CTNND1: variants seen among roughly 807,000 people sequenced by gnomAD.
The protein encoded by CTNND1 is catenin delta-1.
A neutral mutation model predicts 112.1 loss-of-function variants in CTNND1; 16 were observed. The ratio of observed to expected loss-of-function variants is 0.14; its 90% CI spans 0.10 to 0.22. The LOEUF (loss-of-function observed/expected upper bound fraction) is 0.22. Among genes scored for constraint, CTNND1 ranks in the 10% least tolerant of loss-of-function variants. CTNND1 has a pLI of 1.00. For missense variants in CTNND1, 1,008 were observed against 1,257.0 expected (o/e 0.80, Z 3.00); for synonymous variants, 420 against 446.5 (o/e 0.94, Z 0.75).
At chr11:57,780,071 TGAGACAG>T (rs2059415433) in intron 1 of CTNND1, among the ~76,000 whole-genome samples, 1 of 129,196 alleles carries the variant, frequency 7.7e-6, no homozygotes. Context: ...TTTTTTTTTT[TGAGACAG>T]GGTCTTACTC....
chr11:57,796,664 C>T lies in CTNND1; in HGVS notation c.628C>T (p.Pro210Ser). ...CCTTCCTAGGAACTTCCACTACCCT[C>T]CTGATGGTTATAGTCGCCACTATGA... Reference protein sequence around the residue: ...ATLPRNFHYPPDGYSRHYEDG... With the variant: ...ATLPRNFHYPSDGYSRHYEDG... Residue 210 changes from proline (P) to serine (S), a missense_variant, in exon 6 of 21, where the codon CCT becomes TCT. By Grantham distance (74) the Pro-to-Ser change is moderately conservative. This residue lies in a region of CTNND1 where 404 missense variants were observed against 457.9 expected (regional missense o/e 0.88). Transcript: ENST00000399050. 1 of 1,614,034 alleles carries T rather than the reference C, an allele frequency of 6.2e-7. No individual in the cohort carries two copies. The highest frequency in any genetic ancestry group is 1.1e-5 in the South Asian group (1 of 91,090).
intron 1 of CTNND1, among the ~76,000 whole-genome samples, chr11:57,784,156 A>C (rs1056967416): frequency 1.8e-4 from 27 of 151,744 alleles, no homozygotes; most frequent in Non-Finnish European, 1.6e-4. Context: ...TCCTGGGCTC[A>C]AGTGATCTGC....
chr11:57,768,000 A>G (rs1951543257), intron 1 of CTNND1, among the ~76,000 whole-genome samples: 1 of 151,046 alleles, frequency 6.6e-6, no homozygotes. Flanking sequence ...CGCCCGGCTG[A>G]TTTTTGTATT....
At position 57,817,619 on chromosome 11, in the gene CTNND1, G is replaced by T. The variant is rs2064049941; in HGVS notation, c.*1311G>T. The T allele has an allele frequency of 6.6e-6, 1 of 152,562 alleles. No individual in the cohort carries two copies. Among genetic ancestry groups the T allele is most frequent in the South Asian group, 2.1e-4 (1 of 4,824 alleles). 9.5% of individuals were successfully genotyped at this position (152,562 alleles called of 1,614,324 possible). A position where few individuals can be genotyped will look rare whatever the true frequency, so the allele number is the denominator to read the frequency against. ...CTCAACAGCATATGGGTGGGATTTT[G>T]CAAAAATCCTATTCTGATGAATCTC... On this transcript the variant is annotated 3_prime_UTR_variant, in exon 21 of 21. Transcript: ENST00000399050.
intron 20 of CTNND1, 104 bp from the exon 21 acceptor site, chr11:57,816,193 G>T (rs2063963623): frequency 1.4e-6 from 2 of 1,416,920 alleles, no homozygotes; most frequent in Non-Finnish European, 2.0e-6. Context: ...CTGATTCTCC[G>T]TTATGTGCTG....
chr11:57,793,904 A>C (rs1437568099), intron 3 of CTNND1, 106 bp from the exon 4 acceptor site: 39 of 1,070,662 alleles, frequency 3.6e-5, no homozygotes, highest in Non-Finnish European at 4.9e-5. Context: ...CAGGCCACAC[A>C]TATCTTCTTG....
chr11:57,771,136 G>T (rs1370894734), intron 1 of CTNND1, among the ~76,000 whole-genome samples: 1 of 147,484 alleles, frequency 6.8e-6, no homozygotes, highest in African/African-American at 2.5e-5. Context: ...AAAGAAAGTT[G>T]TTTTTTTTTT....
intron 1 of CTNND1, among the ~76,000 whole-genome samples, chr11:57,772,447 C>T (rs1952923730): frequency 6.6e-6 from 1 of 152,128 alleles, no homozygotes; most frequent in Admixed American, 6.5e-5. Context: ...GCTCCTGTTT[C>T]CCCATGCCCT....
At chr11:57,799,690 A>T (rs540561036) in intron 6 of CTNND1, among the ~76,000 whole-genome samples, 91 of 152,320 alleles carry the variant, frequency 6.0e-4, no homozygotes, top group Middle Eastern at 3.4e-3. Flanking sequence ...CTTTGTATAG[A>T]AAAGGATATA....
intron 14 of CTNND1, among the ~76,000 whole-genome samples, chr11:57,808,850 T>A (rs1025218722): frequency 2.0e-5 from 3 of 152,240 alleles, no homozygotes; most frequent in Admixed American, 6.5e-5. Context: ...TCCATTTTTT[T>A]AAATAGGATA....
chr11:57,774,083 T>G (rs752331793), intron 1 of CTNND1, among the ~76,000 whole-genome samples: 5 of 152,254 alleles, frequency 3.3e-5, no homozygotes, highest in Non-Finnish European at 7.3e-5. Flanking sequence ...AATATTTCAC[T>G]TTTTAGTTCT....
At chr11:57,815,868 T>G in intron 19 of CTNND1, 47 bp from the exon 20 acceptor site, 1 of 1,510,562 alleles carries the variant, frequency 6.6e-7, no homozygotes, top group Non-Finnish European at 9.1e-7. Context: ...CACACACTCA[T>G]GAGGTTCCTG....
chr11:57,796,488 G>A lies in CTNND1; in HGVS notation c.452G>A (p.Arg151Gln), dbSNP rs776232220. Residue 151 changes from arginine to glutamine, a missense_variant, in exon 6 of 21, where the codon CGG becomes CAG. By Grantham distance (43) the Arg-to-Gln change is conservative. Coordinates refer to ENST00000399050, the MANE Select transcript of CTNND1 (RefSeq NM_001085458.2). ...AAAGTAGTGAAGACTGTGACAACAC[G>A]GACAGTACAGCCAGTCGCTATGGGA... Reference protein sequence around the residue: ...VKKVVKTVTTRTVQPVAMGPD... With the variant: ...VKKVVKTVTTQTVQPVAMGPD... 15 of 1,611,356 alleles carry A rather than the reference G, an allele frequency of 9.3e-6. No individual in the cohort carries two copies. The highest frequency in any genetic ancestry group is 1.7e-4 in the Middle Eastern group (1 of 6,046).
At chr11:57,783,751 A>G (rs2136388385) in intron 1 of CTNND1, among the ~76,000 whole-genome samples, 1 of 152,160 alleles carries the variant, frequency 6.6e-6, no homozygotes, top group Admixed American at 6.5e-5. Context: ...GAACCGGAAT[A>G]TTTCTTCAAA....
chr11:57,815,526 C>T, intron 19 of CTNND1, 26 bp downstream of exon 19: 1 of 1,508,028 alleles, frequency 6.6e-7, no homozygotes, highest in African/African-American at 1.4e-5. Context: ...ATACTGCTAT[C>T]TGTCTAAGGC....
intron 4 of CTNND1, among the ~76,000 whole-genome samples, chr11:57,795,176 AGAGT>A (rs1259146418): frequency 6.6e-6 from 1 of 152,214 alleles, no homozygotes; most frequent in Non-Finnish European, 1.5e-5. Context: ...CTTGGGTGAT[AGAGT>A]GAGACCCTAT....
chr11:57,773,920 G>C (rs1953487132), intron 1 of CTNND1, among the ~76,000 whole-genome samples: 2 of 152,114 alleles, frequency 1.3e-5, no homozygotes, highest in Admixed American at 1.3e-4. Flanking sequence ...CTGGGCAACA[G>C]AGTGAGACTC....
chr11:57,767,776 A>G (rs143420923), intron 1 of CTNND1, among the ~76,000 whole-genome samples: 2 of 151,912 alleles, frequency 1.3e-5, no homozygotes, highest in East Asian at 3.9e-4. Context: ...TGTGTTTGCT[A>G]TTAGAATGGA....
intron 6 of CTNND1, among the ~76,000 whole-genome samples, chr11:57,801,322 G>A (rs1315557147): frequency 1.3e-5 from 2 of 152,120 alleles, no homozygotes; most frequent in African/African-American, 4.8e-5. Flanking sequence ...AGACTTCTGT[G>A]GCATTGAGTC....
Sources: allele counts gnomAD v4.1 joint callset (sites outside exome capture counted in the v4.1 genomes callset), GRCh38; gene constraint gnomAD v4.1.1; regional missense constraint gnomAD v4.1.1; transcripts MANE v1.5; gene names NCBI Gene and HGNC (gene_info 2026-07-23, HGNC 2026-07-21).